The following PBX3 variants were observed in gnomAD, a reference collection of about 807,000 sequenced individuals.
PBX3 encodes PBX homeobox 3.
Under a neutral mutation model 48.5 loss-of-function variants are expected in PBX3, and 14 were observed. The observed-to-expected ratio is 0.29, with a 90% CI of 0.19 to 0.45. PBX3 has a LOEUF of 0.45. Ranked by LOEUF, PBX3 falls within the 20% of genes least tolerant of loss-of-function variation. PBX3 has a pLI of 1.00. For synonymous variants in PBX3, 210 were observed against 200.3 expected (o/e 1.05, Z -0.41); for missense variants, 386 against 546.7 (o/e 0.71, Z 2.93).
At chr9:125,763,487 T>A (rs531676970) in intron 2 of PBX3, among the ~76,000 whole-genome samples, 2 of 152,360 alleles carry the variant, frequency 1.3e-5, no homozygotes, top group East Asian at 3.9e-4. Context: ...AAGCTCTTGT[T>A]ACATGGAAGG....
chr9:125,847,376 C>T, intron 2 of PBX3, among the ~76,000 whole-genome samples: 1 of 151,838 alleles, frequency 6.6e-6, no homozygotes, highest in East Asian at 1.9e-4. Flanking sequence ...AAATGTCCAA[C>T]AATAGGTGAA....
chr9:125,751,913 A>C (rs1265600478), intron 2 of PBX3, among the ~76,000 whole-genome samples: 2 of 151,692 alleles, frequency 1.3e-5, no homozygotes, highest in African/African-American at 4.8e-5. Context: ...TCATCCTGAA[A>C]AATCTTGTCT....
At chr9:125,752,592 T>C (rs1836405068) in intron 2 of PBX3, among the ~76,000 whole-genome samples, 1 of 152,076 alleles carries the variant, frequency 6.6e-6, no homozygotes, top group South Asian at 2.1e-4. Context: ...CTCTATTTAA[T>C]TGTGAACCCA....
intron 2 of PBX3, among the ~76,000 whole-genome samples, chr9:125,836,865 A>G (rs775458013): frequency 6.6e-6 from 1 of 152,208 alleles, no homozygotes; most frequent in Non-Finnish European, 1.5e-5. Flanking sequence ...CAGATTAGCA[A>G]AGATCAAAAA....
At chr9:125,791,340 TATCTATCTCTGTCA>T (rs1322801781) in intron 2 of PBX3, among the ~76,000 whole-genome samples, 32 of 152,018 alleles carry the variant, frequency 2.1e-4, no homozygotes, top group African/African-American at 7.2e-4. Context: ...TCTATCTATC[TATCTATCTCTGTCA>T]ATCATCTGTC....
intron 2 of PBX3, among the ~76,000 whole-genome samples, chr9:125,751,346 C>T (rs922877559): frequency 2.0e-5 from 3 of 152,124 alleles, no homozygotes; most frequent in African/African-American, 7.2e-5. Context: ...GTAGCTCTGC[C>T]AGTGGATTTT....
intron 2 of PBX3, among the ~76,000 whole-genome samples, chr9:125,816,906 A>T (rs1838482865): frequency 6.6e-6 from 1 of 152,164 alleles, no homozygotes; most frequent in Non-Finnish European, 1.5e-5. Flanking sequence ...CATCATTTAG[A>T]TTATCAGATG....
At position 125,963,083 on chromosome 9, in the gene PBX3, C is replaced by T. The variant is rs189417832; in HGVS notation, c.1194C>T (p.Tyr398=). ...ATGGCCTTGGAGGAAATTCACTGTA[C>T]AGTCCACATAATTTAAATGTGAGTA... is the stretch of plus-strand genomic sequence containing the variant. ...YSDGLGGNSL[Y]SPHNLNANGG... Residue 398 remains tyrosine (Y), a synonymous_variant, in exon 8 of 9, where the codon TAC becomes TAT. Transcript: ENST00000373489. 5.3e-5 allele frequency: 84 copies of T among 1,599,338 alleles called. 1 individual carries two copies. In the East Asian group the frequency reaches 1.5e-3, roughly 28 times the overall value.
chr9:125,747,384 TCGCCGCCGC>T lies in PBX3; in HGVS notation c.-56_-48del, dbSNP rs756293477. The stretch of plus-strand genomic sequence containing the variant: ...TCCCCCTCTTTCTTCTCCTCCCTCG[TCGCCGCCGC>T]CGCCGCCGCCGCCTCAGCCTTCGCC... On this transcript the variant is annotated 5_prime_UTR_variant, in exon 1 of 9. Transcript: ENST00000373489. The T allele has an allele frequency of 8.2e-5, 49 of 600,244 alleles. No homozygotes were observed. Among genetic ancestry groups the T allele is most frequent in the Non-Finnish European group, 9.5e-5 (43 of 454,264 alleles). The allele number at this position is 600,244 out of a possible 1,614,324, so 37.2% of individuals were successfully genotyped here.
At chr9:125,802,724 G>C (rs1273096463) in intron 2 of PBX3, among the ~76,000 whole-genome samples, 1 of 151,436 alleles carries the variant, frequency 6.6e-6, no homozygotes, top group Non-Finnish European at 1.5e-5. Flanking sequence ...CGTTGCCCAG[G>C]CTGGGGTGCA....
chr9:125,755,363 T>C (rs1219860836), intron 2 of PBX3, among the ~76,000 whole-genome samples: 2 of 152,138 alleles, frequency 1.3e-5, no homozygotes, highest in Non-Finnish European at 2.9e-5. Context: ...CTGGTAACTT[T>C]GGCAATTATC....
At chr9:125,886,324 G>A (rs975863894) in intron 2 of PBX3, among the ~76,000 whole-genome samples, 8 of 152,076 alleles carry the variant, frequency 5.3e-5, no homozygotes, top group Non-Finnish European at 7.4e-5. Flanking sequence ...TGATATGGGA[G>A]GGGGAAGAAA....
chr9:125,747,610 A>T lies in PBX3; in HGVS notation c.157A>T (p.Ile53Phe). Residue 53 changes from isoleucine to phenylalanine, a missense_variant, in exon 1 of 9, where the codon ATC (isoleucine) becomes TTC (phenylalanine). Transcript: ENST00000373489. ...KQDIGDILHQ[I>F]MTITDQSLDE... The stretch of plus-strand genomic sequence containing the variant: ...GGACATCGGCGACATCCTCCACCAG[A>T]TCATGACCATCACCGACCAGAGCTT... The T allele has an allele frequency of 1.2e-6, 2 of 1,603,328 alleles. No homozygotes were observed. The highest frequency in any genetic ancestry group is 1.7e-6 in the Non-Finnish European group (2 of 1,175,144).
intron 3 of PBX3, among the ~76,000 whole-genome samples, chr9:125,925,194 G>T (rs1240217118): frequency 6.6e-6 from 1 of 152,186 alleles, no homozygotes; most frequent in East Asian, 1.9e-4. Flanking sequence ...GTATGGTGGT[G>T]AAAAATTTTA....
chr9:125,858,623 T>A (rs570177769), intron 2 of PBX3, among the ~76,000 whole-genome samples: 512 of 26,824 alleles, frequency 0.019, 1 homozygote, highest in Non-Finnish European at 0.03. Context: ...CTTTGGTCCA[T>A]TTTTTTTTTT....
intron 2 of PBX3, among the ~76,000 whole-genome samples, chr9:125,849,060 T>C (rs1159265413): frequency 6.6e-6 from 1 of 152,032 alleles, no homozygotes; most frequent in East Asian, 1.9e-4. Flanking sequence ...ATTTCTGTTT[T>C]CTTTAGTGAA....
Position 125,788,717 on chromosome 9 carries a change from C to T in PBX3, c.274+40094C>T, listed in dbSNP as rs148875167. 8.1e-4 allele frequency among the ~76,000 whole-genome samples: 123 copies of T among 152,080 alleles called. 1 individual carries two copies. The highest frequency in any genetic ancestry group is 2.8e-3 in the African/African-American group (115 of 41,472). ...GTGAAACCCCGTCTCTACTAAAAAA[C>T]ACAAAAAATTAGCTGGTTGCGGCAG... On this transcript the variant is annotated intron_variant, in intron 2 of 8. Coordinates refer to ENST00000373489, the MANE Select transcript of PBX3 (RefSeq NM_006195.6).
intron 2 of PBX3, among the ~76,000 whole-genome samples, chr9:125,757,738 A>G (rs1429943692): frequency 1.3e-5 from 2 of 152,190 alleles, no homozygotes; most frequent in Non-Finnish European, 1.5e-5. Context: ...TGTGTGCTAG[A>G]TAAGGTGATA....
chr9:125,932,408 TCCCTTAGTAAGC>T, intron 4 of PBX3, among the ~76,000 whole-genome samples: 1 of 152,314 alleles, frequency 6.6e-6, no homozygotes, highest in Non-Finnish European at 1.5e-5. Flanking sequence ...ATTTCTTCTC[TCCCTTAGTAAGC>T]CACAGTGTCA....
Sources: gnomAD v4.1 joint callset for allele counts (sites outside exome capture counted in the v4.1 genomes callset) on GRCh38, gnomAD v4.1.1 for gene constraint, MANE v1.5 for transcripts, NCBI Gene and HGNC (gene_info 2026-07-23, HGNC 2026-07-21) for gene names.